The following HAO1 variants were observed in gnomAD, a reference collection of about 807,000 sequenced individuals.
The protein encoded by HAO1 is hydroxyacid oxidase 1.
In HAO1, 34 loss-of-function variants were observed where a neutral mutation model predicts 39.7. That is an observed-to-expected ratio of 0.86 (90% CI 0.65 to 1.14). The LOEUF (loss-of-function observed/expected upper bound fraction) is 1.14, where lower values mean the gene tolerates loss of function less well. HAO1 is among the 50% of genes most tolerant of loss of function. The pLI is 0.00. For missense variants in HAO1, 479 were observed against 464.5 expected (o/e 1.03, Z -0.29); for synonymous variants, 172 against 173.2 (o/e 0.99, Z 0.05).
chr20:7,939,883 A>G (rs1312163282), intron 1 of HAO1, among the ~76,000 whole-genome samples: 3 of 152,242 alleles, frequency 2.0e-5, no homozygotes, highest in Non-Finnish European at 4.4e-5. Context: ...AAAACATTTG[A>G]GCCAACAATC....
At chr20:7,926,646 C>T (rs2050360564) in intron 2 of HAO1, among the ~76,000 whole-genome samples, 1 of 152,126 alleles carries the variant, frequency 6.6e-6, no homozygotes, top group African/African-American at 2.4e-5. Flanking sequence ...CTAATGCAGT[C>T]ATCTGGGGTC....
At position 7,895,173 on chromosome 20, in the gene HAO1, G is replaced by A. The variant is rs139675589; in HGVS notation, c.773C>T (p.Ser258Leu). 485 of 1,612,530 alleles carry A rather than the reference G, an allele frequency of 3.0e-4. 2 individuals carry two copies. The highest frequency in any genetic ancestry group is 4.0e-4 in the Non-Finnish European group (466 of 1,178,908). Residue 258 changes from serine to leucine, a missense_variant, in exon 5 of 8, where the codon TCG becomes TTG. Physicochemically the swap from Ser to Leu is moderately radical, Grantham distance 145. Coordinates refer to ENST00000378789, the MANE Select transcript of HAO1 (RefSeq NM_017545.3). The stretch of plus-strand genomic sequence containing the variant: ...ATCGAGTTGTCGAGCCCCATGATTC[G>A]ACACCAAGATCCCATTCAAGCCATG... ...VKHGLNGILV[S>L]NHGARQLDGV...
At chr20:7,939,697 C>G (rs1367397923) in intron 1 of HAO1, among the ~76,000 whole-genome samples, 2 of 152,112 alleles carry the variant, frequency 1.3e-5, no homozygotes, top group Non-Finnish European at 2.9e-5. Flanking sequence ...CCATCTTGTG[C>G]TTTGAAATAT....
intron 2 of HAO1, among the ~76,000 whole-genome samples, chr20:7,916,386 G>A (rs547503668): frequency 6.6e-6 from 1 of 152,260 alleles, no homozygotes; most frequent in African/African-American, 2.4e-5. Context: ...AAATATACTT[G>A]TCCAAATGAC....
At chr20:7,925,188 C>A (rs1170220818) in intron 2 of HAO1, among the ~76,000 whole-genome samples, 1 of 152,134 alleles carries the variant, frequency 6.6e-6, no homozygotes, top group East Asian at 1.9e-4. Context: ...AAAGAACAAA[C>A]CTTCAACTAC....
chr20:7,885,449 C>T (rs776480256), intron 7 of HAO1, 72 bp downstream of exon 7: 15 of 969,686 alleles, frequency 1.5e-5, no homozygotes, highest in Admixed American at 9.1e-5. Flanking sequence ...TTCAAATTCA[C>T]TTCTCTCCAC....
chr20:7,896,181 G>A (rs1347509053), intron 4 of HAO1, among the ~76,000 whole-genome samples: 3 of 152,072 alleles, frequency 2.0e-5, no homozygotes, highest in Admixed American at 2.0e-4. Flanking sequence ...AAATCTACTT[G>A]CAACATTTAA....
At chr20:7,926,833 T>G (rs2050361297) in intron 2 of HAO1, among the ~76,000 whole-genome samples, 1 of 152,044 alleles carries the variant, frequency 6.6e-6, no homozygotes, top group Non-Finnish European at 1.5e-5. Flanking sequence ...AGCCTCTAAT[T>G]GCATCCAGGG....
intron 1 of HAO1, among the ~76,000 whole-genome samples, chr20:7,938,469 C>T (rs898113460): frequency 6.6e-6 from 1 of 151,998 alleles, no homozygotes; most frequent in African/African-American, 2.4e-5. Context: ...TATCTGTGTC[C>T]TATCCCTAAG....
chr20:7,883,521 C>G lies in HAO1; in HGVS notation c.*72G>C, dbSNP rs1411289454. ...GGGAATTACAGACTGTGGTCACCCT[C>G]TGCACAGTGTCTCTTTGTCAAGTAA... is the stretch of plus-strand genomic sequence containing the variant. On this transcript the variant is annotated 3_prime_UTR_variant, in exon 8 of 8. Transcript: ENST00000378789. 1 of 1,118,758 alleles carries G rather than the reference C, an allele frequency of 8.9e-7. No homozygotes were observed. The allele number at this position is 1,118,758 out of a possible 1,614,324, so 69.3% of individuals were successfully genotyped here. A position where few individuals can be genotyped will look rare whatever the true frequency, so the allele number is the denominator to read the frequency against.
intron 5 of HAO1, among the ~76,000 whole-genome samples, chr20:7,891,016 A>C (rs1461607605): frequency 1.3e-5 from 2 of 152,190 alleles, no homozygotes; most frequent in Non-Finnish European, 2.9e-5. Flanking sequence ...ATGTGTGTGC[A>C]AGTATCTTTT....
In HAO1 at chr20:7,883,362, G is replaced by A. The variant is rs969554468; in HGVS notation, c.*231C>T. On this transcript the variant is annotated 3_prime_UTR_variant, in exon 8 of 8. Coordinates refer to ENST00000378789, the MANE Select transcript of HAO1 (RefSeq NM_017545.3). ...CATTTTCAATGTTTTCTTTTTAACAGTTAATATATTTCCAGGATGAAAGTC... is the reference window on the plus strand; with the variant it reads ...CATTTTCAATGTTTTCTTTTTAACAATTAATATATTTCCAGGATGAAAGTC... 15 of 545,674 alleles carry A rather than the reference G, an allele frequency of 2.7e-5. No homozygotes were observed. In the Admixed American group the frequency reaches 4.3e-4, roughly 16 times the overall value. 33.8% of individuals were successfully genotyped at this position (545,674 alleles called of 1,614,324 possible). A position where few individuals can be genotyped will look rare whatever the true frequency, so the allele number is the denominator to read the frequency against.
rs747634943 is a variant in HAO1, at chr20:7,885,606, GA to G, written c.973-17del. 6.3e-7 allele frequency: 1 copy of G among 1,586,502 alleles called. No homozygotes were observed. The highest frequency in any genetic ancestry group is 8.7e-7 in the Non-Finnish European group (1 of 1,155,764). On this transcript the variant is annotated splice_polypyrimidine_tract_variant and intron_variant, in intron 6 of 7. Coordinates refer to ENST00000378789, the MANE Select transcript of HAO1 (RefSeq NM_017545.3). ...CTTTCTCCCCCTAACCAAGTGAAAA[GA>G]TACAGAGTGATTCAGAACTAAATCA...
chr20:7,938,087 T>C (rs935373595), intron 1 of HAO1, among the ~76,000 whole-genome samples: 1 of 152,198 alleles, frequency 6.6e-6, no homozygotes, highest in East Asian at 1.9e-4. Flanking sequence ...ATACTCTGGC[T>C]TTGTATCACA....
intron 2 of HAO1, among the ~76,000 whole-genome samples, chr20:7,933,252 TA>T (rs1466361114): frequency 1.3e-5 from 2 of 152,130 alleles, no homozygotes; most frequent in Non-Finnish European, 2.9e-5. Context: ...CACAGTCTCA[TA>T]TTTTTTTTCC....
At chr20:7,897,339 T>C (rs1337424952) in intron 4 of HAO1, among the ~76,000 whole-genome samples, 4 of 152,216 alleles carry the variant, frequency 2.6e-5, no homozygotes, top group African/African-American at 7.2e-5. Flanking sequence ...CGGAAATTGT[T>C]GGTCTTTAAT....
intron 1 of HAO1, among the ~76,000 whole-genome samples, chr20:7,934,960 A>G (rs1377780302): frequency 6.6e-6 from 1 of 152,172 alleles, no homozygotes; most frequent in Non-Finnish European, 1.5e-5. Context: ...CAAGATCTAG[A>G]AAAAGTTCAA....
chr20:7,930,192 G>T (rs2050379446), intron 2 of HAO1, among the ~76,000 whole-genome samples: 1 of 151,900 alleles, frequency 6.6e-6, no homozygotes, highest in South Asian at 2.1e-4. Context: ...CCTTGCTAGG[G>T]TCTAAGTCCC....
At chr20:7,923,080 A>T (rs2050342300) in intron 2 of HAO1, among the ~76,000 whole-genome samples, 1 of 152,098 alleles carries the variant, frequency 6.6e-6, no homozygotes, top group Non-Finnish European at 1.5e-5. Context: ...CGACCTTTCT[A>T]AACTGCCATT....
Sources: gnomAD v4.1 joint callset for allele counts (sites outside exome capture counted in the v4.1 genomes callset) on GRCh38, gnomAD v4.1.1 for gene constraint, MANE v1.5 for transcripts, NCBI Gene and HGNC (gene_info 2026-07-23, HGNC 2026-07-21) for gene names.